Variants in GULP1 observed in about 807,000 individuals in gnomAD.
GULP1 encodes PTB domain-containing engulfment adapter protein 1.
A neutral mutation model predicts 40.9 loss-of-function variants in GULP1; 19 were observed. The observed-to-expected ratio is 0.46, with a 90% CI of 0.32 to 0.68. The LOEUF (loss-of-function observed/expected upper bound fraction) is 0.68, where lower values mean the gene tolerates loss of function less well. Ranked by LOEUF, GULP1 falls within the 30% of genes least tolerant of loss-of-function variation. The probability of loss-of-function intolerance (pLI) is 0.03; values close to 1 mark genes in which losing one functional copy is unlikely to be tolerated. For synonymous variants in GULP1, 119 were observed against 117.6 expected (o/e 1.01, Z -0.08); for missense variants, 312 against 362.2 (o/e 0.86, Z 1.12).
intron 4 of GULP1, among the ~76,000 whole-genome samples, chr2:188,486,441 G>A (rs921712883): frequency 6.6e-6 from 1 of 151,826 alleles, no homozygotes; most frequent in African/African-American, 2.4e-5. Context: ...ACTCACTTTT[G>A]GCATCCACTG....
chr2:188,564,666 T>C (rs913650166), intron 7 of GULP1, among the ~76,000 whole-genome samples: 1 of 151,900 alleles, frequency 6.6e-6, no homozygotes, highest in African/African-American at 2.4e-5. Context: ...ATGGATTCAA[T>C]ACAATTCTGA....
chr2:188,312,101 A>T (rs866399104), intron 1 of GULP1, among the ~76,000 whole-genome samples: 1 of 151,912 alleles, frequency 6.6e-6, no homozygotes, highest in South Asian at 2.1e-4. Context: ...TAGATTTGCT[A>T]TTGTCTTTCT....
intron 2 of GULP1, among the ~76,000 whole-genome samples, chr2:188,412,249 G>A (rs1336445121): frequency 6.6e-6 from 1 of 152,118 alleles, no homozygotes; most frequent in African/African-American, 2.4e-5. Flanking sequence ...CAGATCTCGT[G>A]AGAACTCACT....
rs190377539 is a variant in GULP1, at chr2:188,532,695, A to G, written c.261+3500A>G. ...CACTTTGGGAGGCCGAGATGGGGGA[A>G]TCATGAGGTCAGCAGTTTGAGACCA... On this transcript the variant is annotated intron_variant, in intron 6 of 11. Coordinates refer to ENST00000409830, the MANE Select transcript of GULP1 (RefSeq NM_016315.4). Among the ~76,000 whole-genome samples the G allele has an allele frequency of 7.3e-3, 1,099 of 151,350 alleles. 8 individuals carry two copies. The highest frequency in any genetic ancestry group is 0.011 in the Non-Finnish European group (727 of 67,876).
At chr2:188,574,723 A>G (rs1699821928) in intron 9 of GULP1, among the ~76,000 whole-genome samples, 1 of 152,214 alleles carries the variant, frequency 6.6e-6, no homozygotes, top group Non-Finnish European at 1.5e-5. Flanking sequence ...ATCTTCTCTA[A>G]CAAGAGGTCC....
At chr2:188,409,522 A>C (rs1052315320) in intron 2 of GULP1, among the ~76,000 whole-genome samples, 1 of 152,186 alleles carries the variant, frequency 6.6e-6, no homozygotes, top group Non-Finnish European at 1.5e-5. Context: ...GATTCTACCA[A>C]ACATTTAGAT....
At position 188,332,979 on chromosome 2, in the gene GULP1, C is replaced by T. The variant is rs113265981; in HGVS notation, c.-172+40813C>T. Among the ~76,000 whole-genome samples the T allele has an allele frequency of 5.2e-3, 796 of 152,224 alleles. 6 individuals are homozygous for T. Among genetic ancestry groups the T allele is most frequent in the African/African-American group, 0.018 (728 of 41,530 alleles). ...CAGGTATACACTGAGTGTGGTGGCT[C>T]ATGCCTGTAATCCCAGCAGTTTTGG... On this transcript the variant is annotated intron_variant, in intron 1 of 11. Transcript: ENST00000409830.
At chr2:188,588,697 T>C (rs536258745) in intron 11 of GULP1, 1 of 152,224 alleles carries the variant, frequency 6.6e-6, no homozygotes, top group African/African-American at 2.4e-5. Flanking sequence ...ATGAAGCTGA[T>C]TGAGAAGAGA....
intron 7 of GULP1, among the ~76,000 whole-genome samples, chr2:188,566,820 A>T (rs547160737): frequency 6.8e-6 from 1 of 146,126 alleles, no homozygotes; most frequent in Non-Finnish European, 1.5e-5. Context: ...AAAAAAAAAA[A>T]GGGGAAGGAT....
chr2:188,516,870 C>T (rs921916278), intron 4 of GULP1, among the ~76,000 whole-genome samples: 1 of 152,078 alleles, frequency 6.6e-6, no homozygotes, highest in Non-Finnish European at 1.5e-5. Flanking sequence ...TTTCCTTGGC[C>T]TGCATTTCCC....
intron 1 of GULP1, among the ~76,000 whole-genome samples, chr2:188,379,175 T>A (rs2152486070): frequency 6.6e-6 from 1 of 152,276 alleles, no homozygotes; most frequent in African/African-American, 2.4e-5. Flanking sequence ...GCAGAAAGTT[T>A]AACAGCACAT....
intron 4 of GULP1, among the ~76,000 whole-genome samples, chr2:188,514,261 A>T (rs1017941663): frequency 6.6e-6 from 1 of 152,076 alleles, no homozygotes; most frequent in African/African-American, 2.4e-5. Context: ...TTGGTGTTTA[A>T]CATTGGAAGT....
intron 2 of GULP1, among the ~76,000 whole-genome samples, chr2:188,426,999 C>G (rs1260569000): frequency 6.6e-6 from 1 of 152,112 alleles, no homozygotes; most frequent in Non-Finnish European, 1.5e-5. Flanking sequence ...GGAACTGGAG[C>G]AAAGGTCACT....
At chr2:188,567,215 C>T (rs1284680070) in intron 7 of GULP1, among the ~76,000 whole-genome samples, 2 of 152,156 alleles carry the variant, frequency 1.3e-5, no homozygotes, top group African/African-American at 2.4e-5. Context: ...TTGTGGAAGA[C>T]AGTGTGGCGA....
rs546883900 is a variant in GULP1, at chr2:188,550,508, C to A, written c.399+9190C>A. The stretch of plus-strand genomic sequence containing the variant: ...GCTTTTAATATAATTTAAAGAGTAG[C>A]CCCAATAAACAAATGAAATTATCAC... On this transcript the variant is annotated intron_variant, in intron 7 of 11. Coordinates refer to ENST00000409830, the MANE Select transcript of GULP1 (RefSeq NM_016315.4). 2.0e-5 allele frequency among the ~76,000 whole-genome samples: 3 copies of A among 151,334 alleles called. No individual in the cohort carries two copies. The East Asian group carries it at 5.8e-4, about 29-fold the overall frequency.
At chr2:188,447,124 A>G (rs949372742) in intron 2 of GULP1, among the ~76,000 whole-genome samples, 1 of 152,186 alleles carries the variant, frequency 6.6e-6, no homozygotes, top group South Asian at 2.1e-4. Flanking sequence ...CATATTGGCA[A>G]TTGGTTGAAA....
chr2:188,526,882 C>G (rs1188707262), intron 5 of GULP1, among the ~76,000 whole-genome samples: 1 of 152,098 alleles, frequency 6.6e-6, no homozygotes, highest in East Asian at 1.9e-4. Context: ...TTATCTGGGA[C>G]TTACTGTTCT....
intron 1 of GULP1, among the ~76,000 whole-genome samples, chr2:188,304,880 T>C (rs993620186): frequency 6.6e-6 from 1 of 152,204 alleles, no homozygotes; most frequent in Admixed American, 6.5e-5. Context: ...CCAGCACAGA[T>C]GACTTCTGTG....
chr2:188,533,832 C>T (rs1170466738), intron 6 of GULP1, among the ~76,000 whole-genome samples: 4 of 152,058 alleles, frequency 2.6e-5, no homozygotes, highest in Non-Finnish European at 5.9e-5. Flanking sequence ...GAAACAGGAA[C>T]AGGCCCTTCT....
Sources: gnomAD v4.1 joint callset for allele counts (sites outside exome capture counted in the v4.1 genomes callset) on GRCh38, gnomAD v4.1.1 for gene constraint, MANE v1.5 for transcripts, NCBI Gene and HGNC (gene_info 2026-07-23, HGNC 2026-07-21) for gene names.